MED27: variants seen among roughly 807,000 people sequenced by gnomAD.
MED27 encodes mediator complex subunit 27.
In MED27, 30 loss-of-function variants were observed where a neutral mutation model predicts 38.2. The observed-to-expected ratio is 0.79, with a 90% CI of 0.59 to 1.07. MED27 has a LOEUF of 1.07. MED27 is among the 50% of genes least tolerant of loss of function. MED27 has a pLI of 0.00. For missense variants in MED27, 289 were observed against 397.5 expected (o/e 0.73, Z 2.32); for synonymous variants, 122 against 153.5 (o/e 0.79, Z 1.52).
Position 132,077,552 on chromosome 9 carries a change from G to C in MED27, c.238C>G (p.Pro80Ala), listed in dbSNP as rs771855019. Residue 80 changes from proline to alanine, a missense_variant, in exon 2 of 8, where the codon CCA becomes GCA. Transcript: ENST00000292035. ...TTATGAAGAGGATGGTTCTCAGATG[G>C]CTTGCCTACCAGATTGCTCAGACGT... ...LERLSNLVGKPSENHPLHNSG... is the reference protein window; with the variant it reads ...LERLSNLVGKASENHPLHNSG... 2 of 1,614,072 alleles carry C rather than the reference G, an allele frequency of 1.2e-6. No individual in the cohort carries two copies. Among genetic ancestry groups the C allele is most frequent in the Non-Finnish European group, 1.7e-6 (2 of 1,180,010 alleles).
rs758673734 is a variant in MED27 at position 132,073,749 on chromosome 9, T to C, written c.348+3693A>G. The stretch of plus-strand genomic sequence containing the variant: ...GAATAGAAAGTTGCTCTTTCTGTAA[T>C]AAAAAAAAAATCAAACGTGAAAAAA... On this transcript the variant is annotated intron_variant, in intron 2 of 7. Coordinates refer to ENST00000292035, the MANE Select transcript of MED27 (RefSeq NM_004269.4). The C allele has an allele frequency of 1.2e-4, 151 of 1,300,956 alleles. 1 individual carries two copies. The Admixed American group carries it at 1.9e-3, about 16-fold the overall frequency. The allele number at this position is 1,300,956 out of a possible 1,614,324, so 80.6% of individuals were successfully genotyped here. A position where few individuals can be genotyped will look rare whatever the true frequency, so the allele number is the denominator to read the frequency against.
At chr9:131,990,124 C>A (rs1006696295) in intron 3 of MED27, among the ~76,000 whole-genome samples, 1 of 152,116 alleles carries the variant, frequency 6.6e-6, no homozygotes, top group African/African-American at 2.4e-5. Context: ...ACCCCCACCA[C>A]TGCTTCCCCA....
chr9:132,050,883 T>C (rs1161410023), intron 2 of MED27, among the ~76,000 whole-genome samples: 4 of 152,246 alleles, frequency 2.6e-5, no homozygotes, highest in Admixed American at 1.3e-4. Flanking sequence ...CTGTGAGACC[T>C]TGACTTTTTC....
Position 131,889,922 on chromosome 9 carries a change from C to A in MED27, c.681+3963G>T, listed in dbSNP as rs1839201130. On this transcript the variant is annotated intron_variant, in intron 5 of 7. Coordinates refer to ENST00000292035, the MANE Select transcript of MED27 (RefSeq NM_004269.4). The surrounding 1 kb of genome is among the most constrained non-coding windows in gnomAD (Gnocchi z 4.2). ...TGCAGCCACCTAGGCACCAACTCAGCAAACGCAGGCTGCGTCCCGGGAGCA... is the reference window on the plus strand; with the variant it reads ...TGCAGCCACCTAGGCACCAACTCAGAAAACGCAGGCTGCGTCCCGGGAGCA... Among the ~76,000 whole-genome samples, 2 of 152,194 alleles carry A rather than the reference C, an allele frequency of 1.3e-5. No homozygotes were observed. The highest frequency in any genetic ancestry group is 4.8e-5 in the African/African-American group (2 of 41,434).
intron 3 of MED27, among the ~76,000 whole-genome samples, chr9:131,957,196 G>A (rs1046576343): frequency 6.6e-5 from 10 of 151,526 alleles, no homozygotes; most frequent in African/African-American, 2.2e-4. Context: ...ATTTGCCCAA[G>A]AAAAGTAAAA....
At chr9:132,075,225 A>C (rs1834018541) in intron 2 of MED27, among the ~76,000 whole-genome samples, 1 of 152,230 alleles carries the variant, frequency 6.6e-6, no homozygotes. Flanking sequence ...AGAACATTGA[A>C]CCAGGTCAGG....
intron 3 of MED27, among the ~76,000 whole-genome samples, chr9:131,977,684 G>A (rs1037886868): frequency 6.6e-6 from 1 of 152,132 alleles, no homozygotes; most frequent in African/African-American, 2.4e-5. Context: ...AAGGGCTTAG[G>A]TCATTGCAAA....
chr9:132,038,805 G>A (rs543270015), intron 2 of MED27, among the ~76,000 whole-genome samples: 22 of 152,282 alleles, frequency 1.4e-4, no homozygotes, highest in Non-Finnish European at 2.4e-4. Context: ...AGGAGACAGG[G>A]AAGAAGGAAG....
At chr9:132,046,432 TA>T (rs888348014) in intron 2 of MED27, among the ~76,000 whole-genome samples, 171 of 146,128 alleles carry the variant, frequency 1.2e-3, no homozygotes, top group East Asian at 1.8e-3. Context: ...CAAGAGTCTT[TA>T]AAAAAAAAAA....
At chr9:131,952,361 G>C (rs528837062) in intron 3 of MED27, among the ~76,000 whole-genome samples, 7 of 152,344 alleles carry the variant, frequency 4.6e-5, no homozygotes, top group African/African-American at 1.7e-4. Context: ...GACATGGACT[G>C]GGGGGAAGCA....
intron 3 of MED27, among the ~76,000 whole-genome samples, chr9:131,988,024 T>C (rs976952188): frequency 6.6e-6 from 1 of 152,238 alleles, no homozygotes; most frequent in African/African-American, 2.4e-5. Flanking sequence ...TTTAGGCGAT[T>C]TTTAGGTTTA....
intron 4 of MED27, among the ~76,000 whole-genome samples, chr9:131,923,300 T>A (rs959711178): frequency 6.6e-6 from 1 of 152,218 alleles, no homozygotes; most frequent in Admixed American, 6.5e-5. Context: ...TCCAAAGGGA[T>A]GAAACTTGGC....
intron 2 of MED27, among the ~76,000 whole-genome samples, chr9:132,076,180 C>G (rs1834042863): frequency 6.6e-6 from 1 of 152,146 alleles, no homozygotes; most frequent in Non-Finnish European, 1.5e-5. Context: ...TGCCACCCAC[C>G]CAAGCACCCT....
rs1832128498 is a variant in MED27, at chr9:131,997,918, C to T, written c.479+16419G>A. 6.6e-6 allele frequency among the ~76,000 whole-genome samples: 1 copy of T among 152,174 alleles called. No homozygotes were observed. Among genetic ancestry groups the T allele is most frequent in the Admixed American group, 6.5e-5 (1 of 15,284 alleles). On this transcript the variant is annotated intron_variant, in intron 3 of 7. Transcript: ENST00000292035. This position sits in a 1 kb window ranked among gnomAD's most constrained non-coding sequence, Gnocchi z 4.0. ...ACTGCAGACTGCTTTGGTTGGTGAT[C>T]TCTCATCTAATTTCTTTGAACTCTG... is the stretch of plus-strand genomic sequence containing the variant.
intron 3 of MED27, among the ~76,000 whole-genome samples, chr9:131,955,608 TACTATGA>T (rs1184419053): frequency 6.6e-6 from 1 of 152,232 alleles, no homozygotes; most frequent in Non-Finnish European, 1.5e-5. Context: ...TAGAAGAGAA[TACTATGA>T]ACCAATCTCT....
At chr9:131,952,415 G>A (rs575435513) in intron 3 of MED27, among the ~76,000 whole-genome samples, 3 of 152,156 alleles carry the variant, frequency 2.0e-5, no homozygotes, top group African/African-American at 7.2e-5. Context: ...TGTTCCTGGC[G>A]GCAGGGGGGC....
chr9:132,033,239 A>G (rs186896822), intron 2 of MED27, among the ~76,000 whole-genome samples: 29 of 152,298 alleles, frequency 1.9e-4, no homozygotes, highest in African/African-American at 6.3e-4. Flanking sequence ...CAGGTTAACA[A>G]TGTTTAAGAA....
intron 2 of MED27, among the ~76,000 whole-genome samples, chr9:132,044,814 T>C (rs1564338378): frequency 1.3e-5 from 2 of 152,234 alleles, no homozygotes; most frequent in Admixed American, 6.5e-5. Flanking sequence ...TAATGAGAAC[T>C]CTTATCATTC....
At chr9:131,909,958 A>C (rs1830157610) in intron 4 of MED27, among the ~76,000 whole-genome samples, 1 of 152,240 alleles carries the variant, frequency 6.6e-6, no homozygotes, top group Admixed American at 6.5e-5. Context: ...ATTTTAAATA[A>C]ATTAAACTCT....
Sources: gnomAD v4.1 joint callset for allele counts (sites outside exome capture counted in the v4.1 genomes callset) on GRCh38, gnomAD v4.1.1 for gene constraint, Gnocchi (gnomAD v3.1) non-coding constraint, MANE v1.5 for transcripts, NCBI Gene and HGNC (gene_info 2026-07-23, HGNC 2026-07-21) for gene names.